Variants in CUX1 observed in about 807,000 individuals in gnomAD.
CUX1 encodes the protein cut like homeobox 1, also known as protein CASP.
Under a neutral mutation model 158.8 loss-of-function variants are expected in CUX1, and 31 were observed. The ratio of observed to expected loss-of-function variants is 0.20; its 90% CI spans 0.15 to 0.26. CUX1 has a LOEUF of 0.26. Ranked by LOEUF, CUX1 falls within the 10% of genes least tolerant of loss-of-function variation. CUX1 has a pLI of 1.00. For missense variants in CUX1, 1,589 were observed against 2,014.6 expected (o/e 0.79, Z 4.04); for synonymous variants, 879 against 862.1 (o/e 1.02, Z -0.34).
At chr7:102,135,571 T>TTGTTTG (rs1554498538) in intron 8 of CUX1, among the ~76,000 whole-genome samples, 2 of 149,240 alleles carry the variant, frequency 1.3e-5, no homozygotes, top group African/African-American at 4.9e-5. Context: ...GTGTGTGTGT[T>TTGTTTG]TGTGTGTGTG....
intron 2 of CUX1, among the ~76,000 whole-genome samples, chr7:102,004,973 G>T (rs1390503901): frequency 2.6e-5 from 4 of 152,212 alleles, no homozygotes; most frequent in Non-Finnish European, 4.4e-5. Context: ...TAGCTCATGG[G>T]CCATAAAAAT....
chr7:101,997,996 T>C lies in CUX1; in HGVS notation c.142-30102T>C, dbSNP rs138679880. Among the ~76,000 whole-genome samples the C allele has an allele frequency of 6.4e-3, 969 of 152,310 alleles. 9 individuals carry two copies. The highest frequency in any genetic ancestry group is 0.023 in the African/African-American group (937 of 41,580). ...CACCAGAGAACGAACTCCCCAACTG[T>C]CAGTCACTCAGCTCAGTGCCTGTAT... On this transcript the variant is annotated intron_variant, in intron 2 of 23. Transcript: ENST00000292535.
chr7:101,977,598 G>A lies in CUX1; in HGVS notation c.142-50500G>A, dbSNP rs112448271. Among the ~76,000 whole-genome samples, 13 of 152,022 alleles carry A rather than the reference G, an allele frequency of 8.6e-5. 1 individual carries two copies. The highest frequency in any genetic ancestry group is 2.4e-4 in the African/African-American group (10 of 41,478). Reference sequence around the variant, plus strand: ...TCGAGGCTGCAGGTTAGCTATGATCGTGCCACTGTACTCCAGCCTGGGCAA... The same window carrying A: ...TCGAGGCTGCAGGTTAGCTATGATCATGCCACTGTACTCCAGCCTGGGCAA... On this transcript the variant is annotated intron_variant, in intron 2 of 23. Transcript: ENST00000292535.
intron 2 of CUX1, among the ~76,000 whole-genome samples, chr7:101,987,111 G>A (rs554509629): frequency 1.6e-4 from 24 of 152,254 alleles, no homozygotes; most frequent in Non-Finnish European, 1.8e-4. Context: ...GACCTCGTCC[G>A]TCTTGGAATG....
At chr7:102,023,285 G>C (rs541087647) in intron 2 of CUX1, among the ~76,000 whole-genome samples, 1 of 152,234 alleles carries the variant, frequency 6.6e-6, no homozygotes, top group East Asian at 1.9e-4. Context: ...GTTTTGGCCA[G>C]CCTGAACCCC....
In CUX1 at chr7:101,950,256, T is replaced by C. The variant is rs1427253417; in HGVS notation, c.141+34031T>C. On this transcript the variant is annotated intron_variant, in intron 2 of 23. Transcript: ENST00000292535. ...AACTCCTGATCTCAGGTGATCCGCC[T>C]GCCTCAGCCTCCCAAAGTGTTGGGA... Among the ~76,000 whole-genome samples, 3 of 151,752 alleles carry C rather than the reference T, an allele frequency of 2.0e-5. No individual in the cohort carries two copies. In the East Asian group the frequency reaches 5.9e-4, roughly 30 times the overall value.
At position 102,084,549 on chromosome 7, in the gene CUX1, A is replaced by G. The variant is rs1262479331; in HGVS notation, c.269-12815A>G. Among the ~76,000 whole-genome samples the G allele has an allele frequency of 3.5e-5, 5 of 144,260 alleles. 2 individuals are homozygous for G. The highest frequency in any genetic ancestry group is 2.2e-4 in the South Asian group (1 of 4,472). 94.6% of individuals were successfully genotyped at this position (144,260 alleles called of 152,430 possible). On this transcript the variant is annotated intron_variant, in intron 4 of 23. Transcript: ENST00000292535. ...AGCAATTCCCTGCCTCAGCCTCCCA[A>G]GTAGCTGGGATTACAGGTGCCCGCC... is the stretch of plus-strand genomic sequence containing the variant.
chr7:101,951,330 C>CAAAAAAA (rs200121541), intron 2 of CUX1, among the ~76,000 whole-genome samples: 1 of 133,162 alleles, frequency 7.5e-6, no homozygotes. Context: ...GACACTGTCT[C>CAAAAAAA]AAAAAAAAAA....
chr7:102,053,994 A>G (rs1336720275), intron 3 of CUX1, among the ~76,000 whole-genome samples: 3 of 151,366 alleles, frequency 2.0e-5, no homozygotes, highest in Non-Finnish European at 4.4e-5. Context: ...TTTTAGTAGA[A>G]ACAGAGTTTC....
chr7:102,213,304 A>G (rs557769415), intron 20 of CUX1, among the ~76,000 whole-genome samples: 4 of 152,314 alleles, frequency 2.6e-5, no homozygotes, highest in African/African-American at 9.6e-5. Context: ...ATGCTATTCC[A>G]TCCTTGGAAG....
intron 20 of CUX1, among the ~76,000 whole-genome samples, chr7:102,220,486 G>A (rs1256396497): frequency 1.3e-5 from 2 of 152,240 alleles, no homozygotes; most frequent in African/African-American, 4.8e-5. Flanking sequence ...TTCCGGAGCA[G>A]GTCTGGTGCC....
intron 22 of CUX1, among the ~76,000 whole-genome samples, chr7:102,237,726 CAA>C (rs1262993520): frequency 6.6e-6 from 1 of 152,206 alleles, no homozygotes; most frequent in Non-Finnish European, 1.5e-5. Flanking sequence ...AGACACAAGA[CAA>C]AGAGATAAAA....
intron 23 of CUX1, 149 bp downstream of exon 23, chr7:102,239,733 G>GT (rs374612687): frequency 0.01 from 7,624 of 742,948 alleles, 17 homozygotes; most frequent in African/African-American, 0.025. Context: ...GTCCCTTAGG[G>GT]TTTTTTTTTT....
chr7:101,894,388 A>C (rs1419511289), intron 1 of CUX1, among the ~76,000 whole-genome samples: 1 of 152,166 alleles, frequency 6.6e-6, no homozygotes, highest in Non-Finnish European at 1.5e-5. Flanking sequence ...ATCTCGGCTC[A>C]CTGCAAGCTC....
chr7:102,113,445 G>A (rs1412657596), intron 7 of CUX1, among the ~76,000 whole-genome samples: 2 of 151,440 alleles, frequency 1.3e-5, no homozygotes, highest in Non-Finnish European at 2.9e-5. Flanking sequence ...GTATTTTTAC[G>A]AGGTTTCGCC....
At chr7:102,005,800 T>C (rs777959215) in intron 2 of CUX1, among the ~76,000 whole-genome samples, 3 of 152,162 alleles carry the variant, frequency 2.0e-5, no homozygotes, top group Non-Finnish European at 2.9e-5. Flanking sequence ...CACATCCTTC[T>C]GGGAACCTGC....
At chr7:102,160,492 C>A (rs1554506716) in intron 9 of CUX1, among the ~76,000 whole-genome samples, 1 of 152,006 alleles carries the variant, frequency 6.6e-6, no homozygotes, top group Non-Finnish European at 1.5e-5. Flanking sequence ...CTCGGTGGAC[C>A]CCAGTCTTAG....
At chr7:102,192,246 A>G (rs1794358235) in intron 12 of CUX1, among the ~76,000 whole-genome samples, 1 of 152,124 alleles carries the variant, frequency 6.6e-6, no homozygotes, top group African/African-American at 2.4e-5. Flanking sequence ...GCCCTTCTCC[A>G]ATGCTTGTTC....
chr7:102,256,510 G>A lies in CUX1; in HGVS notation c.*7468G>A, dbSNP rs986633185. On this transcript the variant is annotated 3_prime_UTR_variant, in exon 24 of 24. Coordinates refer to ENST00000292535, the MANE Select transcript of CUX1 (RefSeq NM_181552.4). ...AGGCGTCTGGGGGATTGACTGGGGG[G>A]CAGAGGGGGTTTCCCCAGCAAAATC... 430 of 985,404 alleles carry A rather than the reference G, an allele frequency of 4.4e-4. No homozygotes were observed. Among genetic ancestry groups the A allele is most frequent in the Middle Eastern group, 5.2e-4 (1 of 1,914 alleles). The allele number at this position is 985,404 out of a possible 1,614,324, so 61.0% of individuals were successfully genotyped here. A position where few individuals can be genotyped will look rare whatever the true frequency, so the allele number is the denominator to read the frequency against.
Sources: allele counts gnomAD v4.1 joint callset (sites outside exome capture counted in the v4.1 genomes callset), GRCh38; gene constraint gnomAD v4.1.1; transcripts MANE v1.5; gene names NCBI Gene and HGNC (gene_info 2026-07-23, HGNC 2026-07-21).